ULK4: variants seen among roughly 807,000 people sequenced by gnomAD.
ULK4 encodes unc-51 like kinase 4.
ULK4 carries 133 observed loss-of-function variants against 160.6 expected under a neutral mutation model. The observed-to-expected ratio is 0.83, with a 90% CI of 0.72 to 0.96. The LOEUF is 0.96. Among genes scored for constraint, ULK4 ranks in the 40% least tolerant of loss-of-function variants. ULK4 has a pLI of 0.00. For missense variants in ULK4, 1,580 were observed against 1,499.5 expected, an observed-to-expected ratio of 1.05 and a Z score of -0.89; for synonymous variants, 534 against 539.8, an observed-to-expected ratio of 0.99 and a Z score of 0.15.
rs920704644 is a variant in ULK4, at chr3:41,581,779, G to A, written c.3121-15649C>T. ...ATGTGCTAATCAAGGCATACCAGGA[G>A]AGAGGCTAGAGTGAGCTGAGAGGTA... On this transcript the variant is annotated intron_variant, in intron 31 of 36. Coordinates refer to ENST00000301831, the MANE Select transcript of ULK4 (RefSeq NM_017886.4). Among the ~76,000 whole-genome samples the A allele has an allele frequency of 2.6e-5, 4 of 152,310 alleles. No individual in the cohort carries two copies. In the East Asian group the frequency reaches 7.7e-4, roughly 29 times the overall value.
chr3:41,367,575 A>G (rs989870656), intron 35 of ULK4, among the ~76,000 whole-genome samples: 7 of 152,092 alleles, frequency 4.6e-5, no homozygotes, highest in Non-Finnish European at 1.0e-4. Context: ...TGAGTCTGGG[A>G]TTCCTCCAGA....
chr3:41,513,364 G>A (rs1482578890), intron 32 of ULK4, among the ~76,000 whole-genome samples: 5 of 152,200 alleles, frequency 3.3e-5, no homozygotes, highest in Admixed American at 3.3e-4. Context: ...TTGGCCAGGT[G>A]TGGTGGCTCA....
chr3:41,396,710 A>T (rs1204739022), intron 35 of ULK4, among the ~76,000 whole-genome samples: 6 of 152,122 alleles, frequency 3.9e-5, no homozygotes, highest in African/African-American at 1.2e-4. Flanking sequence ...CTGCCTCACT[A>T]CGTGATTCCA....
rs185365411 is a variant in ULK4, at chr3:41,610,108, C to T, written c.3120+5561G>A. ...CTCAGCTCACTGCAACCTCTGCCCC[C>T]TGGGTTCAAGCAATTGTCTGCCTCA... On this transcript the variant is annotated intron_variant, in intron 31 of 36. Transcript: ENST00000301831. 4.9e-3 allele frequency among the ~76,000 whole-genome samples: 752 copies of T among 151,978 alleles called. 7 individuals are homozygous for T. The highest frequency in any genetic ancestry group is 0.017 in the African/African-American group (712 of 41,520).
intron 21 of ULK4, among the ~76,000 whole-genome samples, chr3:41,762,531 C>T (rs1014516610): frequency 1.3e-5 from 2 of 152,004 alleles, no homozygotes; most frequent in African/African-American, 4.8e-5. Context: ...GTTTGATTAA[C>T]TCACAGTTCC....
chr3:41,387,735 G>A (rs1344277796), intron 35 of ULK4, among the ~76,000 whole-genome samples: 1 of 152,104 alleles, frequency 6.6e-6, no homozygotes, highest in East Asian at 1.9e-4. Context: ...AGTATTCCAT[G>A]GTGTATATGT....
At chr3:41,935,201 ATTTATTTATTTTTTTTTT>A (rs1699727852) in intron 4 of ULK4, among the ~76,000 whole-genome samples, 18 of 2,538 alleles carry the variant, frequency 7.1e-3, no homozygotes, top group African/African-American at 7.8e-3. Context: ...GTTTTTATTT[ATTTATTTATTTTTTTTTT>A]TTTTTTTTTT....
chr3:41,730,821 A>G (rs753678991), intron 22 of ULK4, among the ~76,000 whole-genome samples: 15 of 152,236 alleles, frequency 9.9e-5, no homozygotes, highest in Non-Finnish European at 1.9e-4. Context: ...TCCTTGATGA[A>G]AAACCATTCA....
rs76829000 is a variant in ULK4, at chr3:41,436,791, C to A, written c.3492+18706G>T. Among the ~76,000 whole-genome samples the A allele has an allele frequency of 0.047, 7,084 of 152,196 alleles. 828 individuals carry two copies. The East Asian group carries it at 0.52, about 11-fold the overall frequency. The stretch of plus-strand genomic sequence containing the variant: ...ACAATCAAGGCCCCCATGTCCTCTG[C>A]AGCACAGGGGCACAATCCAGCTCCC... On this transcript the variant is annotated intron_variant, in intron 34 of 36. Coordinates refer to ENST00000301831, the MANE Select transcript of ULK4 (RefSeq NM_017886.4).
chr3:41,717,453 C>T (rs749290436), intron 23 of ULK4, among the ~76,000 whole-genome samples: 5 of 152,008 alleles, frequency 3.3e-5, no homozygotes, highest in Non-Finnish European at 5.9e-5. Flanking sequence ...GCAATTAAAC[C>T]GCTTTTCTTT....
chr3:41,759,493 C>A (rs370292380), intron 21 of ULK4, among the ~76,000 whole-genome samples: 165 of 152,188 alleles, frequency 1.1e-3, no homozygotes, highest in African/African-American at 3.9e-3. Context: ...ACTTTTTAAA[C>A]GTATAAATAA....
chr3:41,607,161 G>C (rs528084232), intron 31 of ULK4, among the ~76,000 whole-genome samples: 2 of 152,092 alleles, frequency 1.3e-5, no homozygotes, highest in South Asian at 4.2e-4. Context: ...AGCCACCATA[G>C]TGATGGATTA....
intron 12 of ULK4, among the ~76,000 whole-genome samples, chr3:41,901,172 C>CTTTTTTTTTTTTTT (rs201425733): frequency 8.3e-6 from 1 of 119,926 alleles, no homozygotes; most frequent in Admixed American, 8.4e-5. Context: ...AGCATGGCTT[C>CTTTTTTTTTTTTTT]TTTTTTTTTT....
rs190189387 is a variant in ULK4, at chr3:41,943,369, T to C, written c.139-5172A>G. Among the ~76,000 whole-genome samples the C allele has an allele frequency of 1.9e-4, 29 of 152,248 alleles. No individual in the cohort carries two copies. The East Asian group carries it at 4.4e-3, about 23-fold the overall frequency. On this transcript the variant is annotated intron_variant, in intron 2 of 36. Coordinates refer to ENST00000301831, the MANE Select transcript of ULK4 (RefSeq NM_017886.4). ...TTGCTAGACTTTTACTAAAACTGCA[T>C]TACCACCAAAATCTCTGTTACACAT...
chr3:41,411,429 T>TTTA (rs1553659376), intron 34 of ULK4, among the ~76,000 whole-genome samples: 2 of 151,680 alleles, frequency 1.3e-5, no homozygotes, highest in Non-Finnish European at 2.9e-5. Context: ...TCTTTTTTTT[T>TTTA]TTTTTATTTT....
intron 19 of ULK4, among the ~76,000 whole-genome samples, chr3:41,804,205 G>A (rs2040562442): frequency 6.6e-6 from 1 of 151,738 alleles, no homozygotes. Flanking sequence ...GTATCTCATT[G>A]TGGTTTTGAT....
At chr3:41,796,502 G>A (rs143713263) in intron 20 of ULK4, among the ~76,000 whole-genome samples, 1 of 152,110 alleles carries the variant, frequency 6.6e-6, no homozygotes, top group Non-Finnish European at 1.5e-5. Flanking sequence ...TGAGTCAGGA[G>A]AATCACTTGA....
intron 32 of ULK4, among the ~76,000 whole-genome samples, chr3:41,550,718 CAG>C (rs1375660984): frequency 1.3e-5 from 2 of 151,872 alleles, no homozygotes; most frequent in African/African-American, 4.8e-5. Flanking sequence ...TCTTATTAGA[CAG>C]ATAATCGAGA....
chr3:41,754,742 A>G (rs1246605129), intron 21 of ULK4, among the ~76,000 whole-genome samples: 1 of 152,234 alleles, frequency 6.6e-6, no homozygotes, highest in Non-Finnish European at 1.5e-5. Flanking sequence ...GGAAAAATTA[A>G]GCAATTTACC....
Sources: gnomAD v4.1 joint callset for allele counts (sites outside exome capture counted in the v4.1 genomes callset) on GRCh38, gnomAD v4.1.1 for gene constraint, MANE v1.5 for transcripts, NCBI Gene and HGNC (gene_info 2026-07-23, HGNC 2026-07-21) for gene names.